Variants in NDUFAF2 observed in about 807,000 individuals in gnomAD.
NDUFAF2 encodes NADH:ubiquinone oxidoreductase complex assembly factor 2, also known as NADH dehydrogenase [ubiquinone] 1 alpha subcomplex assembly factor 2.
In NDUFAF2, 13 loss-of-function variants were observed where a neutral mutation model predicts 22.8. That is an observed-to-expected ratio of 0.57 (90% CI 0.37 to 0.91). NDUFAF2 has a LOEUF of 0.91. Among genes scored for constraint, NDUFAF2 ranks in the 40% least tolerant of loss-of-function variants. NDUFAF2 has a pLI of 0.01. For synonymous variants in NDUFAF2, 53 were observed against 64.2 expected, an observed-to-expected ratio of 0.83 and a Z score of 0.84; for missense variants, 162 against 195.2, an observed-to-expected ratio of 0.83 and a Z score of 1.01.
intron 3 of NDUFAF2, among the ~76,000 whole-genome samples, chr5:61,136,039 A>ATATATATATATATATC (rs1367597510): frequency 4.8e-5 from 5 of 103,390 alleles, no homozygotes; most frequent in African/African-American, 1.9e-4. Flanking sequence ...ATATATATAT[A>ATATATATATATATATC]TATCTAGGGT....
chr5:61,002,838 G>C (rs1413831971), intron 1 of NDUFAF2, among the ~76,000 whole-genome samples: 1 of 152,052 alleles, frequency 6.6e-6, no homozygotes, highest in Non-Finnish European at 1.5e-5. Flanking sequence ...GGCATTCGGA[G>C]GAATGTTTTA....
intron 1 of NDUFAF2, among the ~76,000 whole-genome samples, chr5:61,068,369 C>T (rs891675795): frequency 1.5e-4 from 23 of 152,060 alleles, no homozygotes; most frequent in African/African-American, 5.6e-4. Context: ...TCTTTTTCCT[C>T]AGAATGTCAG....
At chr5:61,038,359 T>C (rs1580107201) in intron 1 of NDUFAF2, among the ~76,000 whole-genome samples, 1 of 152,308 alleles carries the variant, frequency 6.6e-6, no homozygotes, top group African/African-American at 2.4e-5. Flanking sequence ...GGTATTAAAA[T>C]TGATTGTGAT....
chr5:60,955,978 G>C (rs534716952), intron 1 of NDUFAF2, among the ~76,000 whole-genome samples: 1 of 150,914 alleles, frequency 6.6e-6, no homozygotes, highest in Non-Finnish European at 1.5e-5. Flanking sequence ...GCACTGGCGC[G>C]ATCTCAGCTC....
chr5:61,132,412 C>G (rs1213060410), intron 3 of NDUFAF2, among the ~76,000 whole-genome samples: 3 of 152,154 alleles, frequency 2.0e-5, no homozygotes, highest in Non-Finnish European at 4.4e-5. Flanking sequence ...CCCCCACCTC[C>G]TTTGAGAATT....
At chr5:61,040,285 C>T (rs953229419) in intron 1 of NDUFAF2, among the ~76,000 whole-genome samples, 1 of 81,050 alleles carries the variant, frequency 1.2e-5, no homozygotes, top group Non-Finnish European at 2.5e-5. Flanking sequence ...CACACACACA[C>T]ACGCGCGCGC....
At chr5:61,102,263 G>T (rs150689605) in intron 3 of NDUFAF2, among the ~76,000 whole-genome samples, 2 of 152,246 alleles carry the variant, frequency 1.3e-5, no homozygotes, top group East Asian at 3.9e-4. Flanking sequence ...GGCTAATACT[G>T]TCTGACTTTA....
intron 1 of NDUFAF2, among the ~76,000 whole-genome samples, chr5:61,040,346 G>A (rs1053368461): frequency 6.6e-6 from 1 of 151,156 alleles, no homozygotes; most frequent in African/African-American, 2.4e-5. Context: ...ACAAGCCAAG[G>A]AAGGCCAGGA....
At chr5:60,985,268 G>C (rs1751056948) in intron 1 of NDUFAF2, among the ~76,000 whole-genome samples, 1 of 152,010 alleles carries the variant, frequency 6.6e-6, no homozygotes, top group Non-Finnish European at 1.5e-5. Flanking sequence ...TGTTGTGTCT[G>C]TTTTATTCTT....
intron 1 of NDUFAF2, among the ~76,000 whole-genome samples, chr5:60,985,094 G>A (rs889088893): frequency 6.6e-6 from 1 of 152,176 alleles, no homozygotes; most frequent in Non-Finnish European, 1.5e-5. Context: ...TCTATTCAGA[G>A]ATTCAGCTTC....
chr5:61,067,042 A>T (rs987959601), intron 1 of NDUFAF2, among the ~76,000 whole-genome samples: 1 of 152,150 alleles, frequency 6.6e-6, no homozygotes, highest in Non-Finnish European at 1.5e-5. Flanking sequence ...TGGTAATAAA[A>T]TTGTACTGTG....
chr5:61,097,423 A>C (rs1393169982), intron 2 of NDUFAF2, among the ~76,000 whole-genome samples: 1 of 152,256 alleles, frequency 6.6e-6, no homozygotes. Flanking sequence ...TAACTTATGT[A>C]ATTCATTGAA....
intron 3 of NDUFAF2, among the ~76,000 whole-genome samples, chr5:61,122,244 A>G (rs1398792962): frequency 6.6e-6 from 1 of 152,144 alleles, no homozygotes; most frequent in African/African-American, 2.4e-5. Context: ...AATTCCTTAC[A>G]GTCACTCTCT....
chr5:61,063,834 C>A (rs1373962968), intron 1 of NDUFAF2, among the ~76,000 whole-genome samples: 2 of 151,816 alleles, frequency 1.3e-5, no homozygotes, highest in Non-Finnish European at 2.9e-5. Flanking sequence ...AACAAAGGAA[C>A]TACAAAACAA....
intron 2 of NDUFAF2, among the ~76,000 whole-genome samples, chr5:61,074,345 T>C (rs571025515): frequency 6.6e-6 from 1 of 152,218 alleles, no homozygotes; most frequent in South Asian, 2.1e-4. Context: ...TCCCAGCACT[T>C]TGGGAGGCCA....
intron 2 of NDUFAF2, among the ~76,000 whole-genome samples, chr5:61,096,530 C>T (rs1291707522): frequency 7.0e-6 from 1 of 143,210 alleles, no homozygotes; most frequent in Non-Finnish European, 1.5e-5. Flanking sequence ...ACCAGGGAGT[C>T]GGAGGTTGCA....
chr5:61,016,540 TTTC>T (rs1261418021), intron 1 of NDUFAF2, among the ~76,000 whole-genome samples: 1 of 152,192 alleles, frequency 6.6e-6, no homozygotes, highest in African/African-American at 2.4e-5. Context: ...AATTTGAAGC[TTTC>T]TTCTTTTTTC....
chr5:61,134,908 T>G (rs925419833), intron 3 of NDUFAF2, among the ~76,000 whole-genome samples: 3 of 152,018 alleles, frequency 2.0e-5, no homozygotes, highest in Admixed American at 6.6e-5. Flanking sequence ...TCATTCCCAA[T>G]TCAGTGAGTA....
At chr5:61,070,936 C>T (rs1013384427) in intron 1 of NDUFAF2, among the ~76,000 whole-genome samples, 3 of 148,848 alleles carry the variant, frequency 2.0e-5, no homozygotes, top group Non-Finnish European at 4.5e-5. Context: ...CTCCAAAAAA[C>T]ATTCTTACAT....
Sources: allele counts gnomAD v4.1 joint callset (sites outside exome capture counted in the v4.1 genomes callset), GRCh38; gene constraint gnomAD v4.1.1; transcripts MANE v1.5; gene names NCBI Gene and HGNC (gene_info 2026-07-23, HGNC 2026-07-21).